SLC14A2: variants seen among roughly 807,000 people sequenced by gnomAD.
SLC14A2 encodes solute carrier family 14 member 2.
In SLC14A2, 91 loss-of-function variants were observed where a neutral mutation model predicts 104.6. That is an observed-to-expected ratio of 0.87 (90% CI 0.73 to 1.04). The LOEUF is 1.04. Ranked by LOEUF, SLC14A2 falls within the 50% of genes least tolerant of loss-of-function variation. The pLI, the probability that SLC14A2 is intolerant of heterozygous loss-of-function variation, is 0.00. For synonymous variants in SLC14A2, 476 were observed against 466.4 expected, an observed-to-expected ratio of 1.02 and a Z score of -0.27; for missense variants, 1,189 against 1,156.0, an observed-to-expected ratio of 1.03 and a Z score of -0.41.
intron 2 of SLC14A2, among the ~76,000 whole-genome samples, chr18:45,510,240 G>A (rs890097210): frequency 6.6e-6 from 1 of 152,120 alleles, no homozygotes; most frequent in African/African-American, 2.4e-5. Flanking sequence ...ATAGATTTGT[G>A]TTTTACAGTG....
At chr18:45,209,263 A>G (rs1347607325), upstream of SLC14A2, among the ~76,000 whole-genome samples, 1 of 151,626 alleles carries the variant, frequency 6.6e-6, no homozygotes, top group African/African-American at 2.4e-5. Context: ...GAATGGCATG[A>G]ACCCGGGAGG....
chr18:45,214,103 TCTG>T (rs2083986556), intron 1 of SLC14A2, among the ~76,000 whole-genome samples: 1 of 152,184 alleles, frequency 6.6e-6, no homozygotes, highest in South Asian at 2.1e-4. Context: ...GGCCCAAACT[TCTG>T]CTGCTACGTT....
intron 11 of SLC14A2, 33 bp from the exon 12 acceptor site, chr18:45,666,104 C>CAGAGAAGG: frequency 6.6e-7 from 1 of 1,509,574 alleles, no homozygotes; most frequent in Non-Finnish European, 9.2e-7. Context: ...TAGAGGTGTC[C>CAGAGAAGG]TAACTGATGG....
At chr18:45,681,713 A>G (rs1046921223) in intron 19 of SLC14A2, among the ~76,000 whole-genome samples, 9 of 152,060 alleles carry the variant, frequency 5.9e-5, no homozygotes, top group Non-Finnish European at 8.8e-5. Context: ...ACATCCCCCA[A>G]TGGCCACCCA....
chr18:45,345,841 T>A (rs559393761), intron 1 of SLC14A2, among the ~76,000 whole-genome samples: 1 of 152,356 alleles, frequency 6.6e-6, no homozygotes, highest in African/African-American at 2.4e-5. Flanking sequence ...CCTGAAGAAT[T>A]GCATGAATAT....
chr18:45,519,697 T>C (rs1297084183), intron 2 of SLC14A2, among the ~76,000 whole-genome samples: 5 of 152,192 alleles, frequency 3.3e-5, no homozygotes, highest in Admixed American at 2.0e-4. Flanking sequence ...AAAAAGGGGC[T>C]AAGCCAAAGA....
At chr18:45,206,468 G>A in the SLC14A2 span, among the ~76,000 whole-genome samples, 1 of 151,978 alleles carries the variant, frequency 6.6e-6, no homozygotes, top group Non-Finnish European at 1.5e-5. Flanking sequence ...GCCTAAAAAC[G>A]AGTACTGCCT....
At chr18:45,439,820 A>G (rs1365179120) in intron 1 of SLC14A2, among the ~76,000 whole-genome samples, 2 of 152,198 alleles carry the variant, frequency 1.3e-5, no homozygotes, top group East Asian at 1.9e-4. Context: ...CTCCAGGGAA[A>G]GACTTGACAC....
At position 45,300,806 on chromosome 18, in the gene SLC14A2, C is replaced by T. The variant is rs374265618; in HGVS notation, c.-125+87615C>T. Among the ~76,000 whole-genome samples, 9 of 152,298 alleles carry T rather than the reference C, an allele frequency of 5.9e-5. No individual in the cohort carries two copies. The East Asian group carries it at 1.2e-3, about 20-fold the overall frequency. On this transcript the variant is annotated intron_variant, in intron 1 of 20. Transcript: ENST00000586448. Reference sequence around the variant, plus strand: ...AGTGCATTCCTTGCCTAAGATCACACAGCTAGTGTGAGTTAGACCTTGGAT... The same window carrying T: ...AGTGCATTCCTTGCCTAAGATCACATAGCTAGTGTGAGTTAGACCTTGGAT...
At chr18:45,570,878 T>C (rs1482811304) in intron 2 of SLC14A2, among the ~76,000 whole-genome samples, 2 of 152,240 alleles carry the variant, frequency 1.3e-5, no homozygotes, top group South Asian at 2.1e-4. Flanking sequence ...AACATAAAAC[T>C]AGGGTCTTTT....
chr18:45,535,771 TA>T (rs1568264827), intron 2 of SLC14A2, among the ~76,000 whole-genome samples: 1 of 152,146 alleles, frequency 6.6e-6, no homozygotes, highest in Non-Finnish European at 1.5e-5. Context: ...TCCTCATTTG[TA>T]AAATAGGAAA....
At chr18:45,574,447 G>GAGTT (rs920371455) in intron 2 of SLC14A2, among the ~76,000 whole-genome samples, 3 of 152,286 alleles carry the variant, frequency 2.0e-5, no homozygotes. Flanking sequence ...TTTGGGAGTG[G>GAGTT]AGTTAAAGTT....
intron 1 of SLC14A2, among the ~76,000 whole-genome samples, chr18:45,317,257 G>C (rs181123060): frequency 2.3e-4 from 35 of 152,320 alleles, no homozygotes; most frequent in Middle Eastern, 3.4e-3. Context: ...GAAATAGATA[G>C]TGAAGACATG....
chr18:45,358,782 A>C lies in SLC14A2; in HGVS notation c.-124-124451A>C, dbSNP rs1377274170. Among the ~76,000 whole-genome samples the C allele has an allele frequency of 2.0e-5, 3 of 152,094 alleles. No homozygotes were observed. The South Asian group carries it at 6.2e-4, about 32-fold the overall frequency. On this transcript the variant is annotated intron_variant, in intron 1 of 20. Coordinates refer to the SLC14A2 transcript ENST00000586448. Reference sequence around the variant, plus strand: ...TTTTTGCAAAGATGGTGATCTTGCTATGTTGCTGGTCTCGAATTCCTGACC... The same window carrying C: ...TTTTTGCAAAGATGGTGATCTTGCTCTGTTGCTGGTCTCGAATTCCTGACC...
At chr18:45,334,217 G>A (rs1599682790) in intron 1 of SLC14A2, among the ~76,000 whole-genome samples, 1 of 152,104 alleles carries the variant, frequency 6.6e-6, no homozygotes, top group Admixed American at 6.5e-5. Context: ...ATTGTAAGTG[G>A]AAGTCTGCAT....
chr18:45,580,755 G>A (rs578210118), intron 2 of SLC14A2, among the ~76,000 whole-genome samples: 12 of 152,258 alleles, frequency 7.9e-5, no homozygotes, highest in East Asian at 7.7e-4. Context: ...GTCACAGAAC[G>A]GGTAAGGGGC....
chr18:45,490,663 TAA>T (rs935446699), intron 2 of SLC14A2, among the ~76,000 whole-genome samples: 3 of 152,222 alleles, frequency 2.0e-5, no homozygotes. Context: ...TAAACAAAGC[TAA>T]AAGACAGGTG....
At chr18:45,196,585 G>C in the SLC14A2 span, among the ~76,000 whole-genome samples, 3 of 152,162 alleles carry the variant, frequency 2.0e-5, no homozygotes, top group Non-Finnish European at 4.4e-5. Context: ...AAAACAGACA[G>C]CTGCCTTTGT....
chr18:45,472,645 CAT>C (rs1253658530), intron 1 of SLC14A2, among the ~76,000 whole-genome samples: 22 of 152,112 alleles, frequency 1.4e-4, no homozygotes, highest in African/African-American at 4.6e-4. Flanking sequence ...AGCTTTTTTT[CAT>C]ATGTTTGTTG....
Sources: allele counts gnomAD v4.1 joint callset (sites outside exome capture counted in the v4.1 genomes callset), GRCh38; gene constraint gnomAD v4.1.1; transcripts MANE v1.5; gene names NCBI Gene and HGNC (gene_info 2026-07-23, HGNC 2026-07-21).